FGF14: variants seen among roughly 807,000 people sequenced by gnomAD.
FGF14 encodes the protein fibroblast growth factor homologous factor 4.
In FGF14, 5 loss-of-function variants were observed where a neutral mutation model predicts 25.5. The observed-to-expected ratio is 0.20, with a 90% confidence interval of 0.10 to 0.41. The LOEUF is 0.41. Ranked by LOEUF, FGF14 falls within the 10% of genes least tolerant of loss-of-function variation. The pLI, the probability that FGF14 is intolerant of heterozygous loss-of-function variation, is 1.00. For missense variants in FGF14, 222 were observed against 320.1 expected (o/e 0.69, Z 2.34); for synonymous variants, 138 against 118.3 (o/e 1.17, Z -1.08).
intron 1 of FGF14, among the ~76,000 whole-genome samples, chr13:102,374,546 A>G (rs2057977774): frequency 6.6e-6 from 1 of 150,798 alleles, no homozygotes; most frequent in African/African-American, 2.4e-5. Flanking sequence ...GCAAAAGTCC[A>G]TACCTTATTC....
At chr13:102,282,946 G>A (rs1295031030) in intron 1 of FGF14, among the ~76,000 whole-genome samples, 4 of 151,956 alleles carry the variant, frequency 2.6e-5, no homozygotes, top group Admixed American at 2.6e-4. Flanking sequence ...AAAACGTTAG[G>A]ATTCAGATTA....
chr13:102,352,748 C>A (rs1477566905), intron 1 of FGF14, among the ~76,000 whole-genome samples: 2 of 147,996 alleles, frequency 1.4e-5, no homozygotes, highest in Non-Finnish European at 3.0e-5. Flanking sequence ...GGAGGCGGAG[C>A]TTGCAGTGAG....
intron 3 of FGF14, among the ~76,000 whole-genome samples, chr13:101,735,923 T>C (rs542213780): frequency 2.6e-5 from 4 of 152,326 alleles, no homozygotes; most frequent in African/African-American, 9.6e-5. Context: ...ACTGTACATA[T>C]GTAACAAAAT....
rs2139613204 is a variant in FGF14 at position 101,713,490 on chromosome 13, A to G, written c.*9341T>C. The G allele has an allele frequency of 6.6e-6, 1 of 152,350 alleles. No individual in the cohort carries two copies. Among genetic ancestry groups the G allele is most frequent in the Non-Finnish European group, 1.5e-5 (1 of 68,034 alleles). The allele number at this position is 152,350 out of a possible 1,614,324, so 9.4% of individuals were successfully genotyped here. ...TAGTAAATGGAAGTCATGTTTGGAA[A>G]GAACAACCAACCCAAGGAAACAGAA... On this transcript the variant is annotated 3_prime_UTR_variant, in exon 5 of 5. Transcript: ENST00000376143.
Position 101,720,343 on chromosome 13 carries a change from C to T in FGF14, c.*2488G>A, listed in dbSNP as rs1290434794. 5 of 152,092 alleles carry T rather than the reference C, an allele frequency of 3.3e-5. No individual in the cohort carries two copies. The highest frequency in any genetic ancestry group is 2.6e-4 in the Admixed American group (4 of 15,246). The allele number at this position is 152,092 out of a possible 1,614,324, so 9.4% of individuals were successfully genotyped here. A position where few individuals can be genotyped will look rare whatever the true frequency, so the allele number is the denominator to read the frequency against. ...TTAGAAGAAAGTATTTGACATCCTT[C>T]ATAGGGATAAATGCCCTTATAGACA... On this transcript the variant is annotated 3_prime_UTR_variant, in exon 5 of 5. Coordinates refer to ENST00000376143, the MANE Select transcript of FGF14 (RefSeq NM_004115.4).
chr13:101,981,317 T>C (rs1395377252), intron 1 of FGF14, among the ~76,000 whole-genome samples: 1 of 152,072 alleles, frequency 6.6e-6, no homozygotes, highest in African/African-American at 2.4e-5. Flanking sequence ...GTAAGCTGCC[T>C]TGCCCCTTCC....
At position 102,128,900 on chromosome 13, in the gene FGF14, C is replaced by T. The variant is rs906931668; in HGVS notation, c.209-253604G>A. ...GAGTTCGAGACCAGCCTGACTAACA[C>T]GGTGAAACCCTGTCTCTACCAAAAA... On this transcript the variant is annotated intron_variant, in intron 1 of 4. Coordinates refer to the FGF14 transcript ENST00000376131. Among the ~76,000 whole-genome samples, 5 of 151,966 alleles carry T rather than the reference C, an allele frequency of 3.3e-5. 1 individual carries two copies. Among genetic ancestry groups the T allele is most frequent in the South Asian group, 2.1e-4 (1 of 4,810 alleles).
chr13:101,858,021 T>C (rs2044216495), intron 3 of FGF14, among the ~76,000 whole-genome samples: 2 of 152,100 alleles, frequency 1.3e-5, no homozygotes, highest in South Asian at 4.1e-4. Flanking sequence ...AGAAAAAAGT[T>C]GTTTTACATA....
In FGF14 at chr13:101,713,691, T is replaced by C. The variant is rs1413042629; in HGVS notation, c.*9140A>G. On this transcript the variant is annotated 3_prime_UTR_variant, in exon 5 of 5. Transcript: ENST00000376143. ...CATTTATTTTCTTTTATTTTAAATA[T>C]ATCATTAATAAAATTTTTACTCAGT... 6.6e-6 allele frequency: 1 copy of C among 152,166 alleles called. No individual in the cohort carries two copies. The highest frequency in any genetic ancestry group is 2.4e-5 in the African/African-American group (1 of 41,456). The allele number at this position is 152,166 out of a possible 1,614,324, so 9.4% of individuals were successfully genotyped here.
At chr13:101,968,384 A>G (rs1296465302) in intron 1 of FGF14, among the ~76,000 whole-genome samples, 3 of 152,170 alleles carry the variant, frequency 2.0e-5, no homozygotes, top group Non-Finnish European at 2.9e-5. Flanking sequence ...TAAAAAAAAT[A>G]CAGCTTAGGC....
intron 1 of FGF14, among the ~76,000 whole-genome samples, chr13:102,226,937 TA>T (rs1345921490): frequency 6.6e-6 from 1 of 152,118 alleles, no homozygotes; most frequent in Admixed American, 6.6e-5. Context: ...TACCAATTTT[TA>T]AACTTGACAT....
chr13:101,929,313 C>T (rs997406615), intron 1 of FGF14, among the ~76,000 whole-genome samples: 6 of 152,122 alleles, frequency 3.9e-5, no homozygotes, highest in African/African-American at 9.7e-5. Context: ...AGATAGTCAC[C>T]AGCTAGTCAA....
At position 102,008,351 on chromosome 13, in the gene FGF14, T is replaced by C. The variant is rs376916872; in HGVS notation, c.209-133055A>G. ...AAAGACCTCTCCAAGTCACTCCACC[T>C]TTATTAAAAGTCATTTCTGTTGACT... On this transcript the variant is annotated intron_variant, in intron 1 of 4. Transcript: ENST00000376131. Among the ~76,000 whole-genome samples, 6 of 152,218 alleles carry C rather than the reference T, an allele frequency of 3.9e-5. No individual in the cohort carries two copies. In the East Asian group the frequency reaches 7.7e-4, roughly 20 times the overall value.
intron 1 of FGF14, among the ~76,000 whole-genome samples, chr13:101,883,923 TGTG>T (rs747191052): frequency 6.7e-6 from 1 of 148,644 alleles, no homozygotes; most frequent in Non-Finnish European, 1.5e-5. Flanking sequence ...ATTAGCCGGG[TGTG>T]GTGGCATGTG....
chr13:101,745,593 T>C (rs974033066), intron 3 of FGF14, among the ~76,000 whole-genome samples: 4 of 152,128 alleles, frequency 2.6e-5, no homozygotes, highest in Non-Finnish European at 5.9e-5. Flanking sequence ...GAATGTCATA[T>C]AGTTGAAATC....
intron 3 of FGF14, among the ~76,000 whole-genome samples, chr13:101,812,611 CTATATATATATA>C (rs35878751): frequency 0.069 from 850 of 12,296 alleles, 69 homozygotes; most frequent in Middle Eastern, 0.1. Flanking sequence ...ATTTTTAAAA[CTATATATATATA>C]TATATATATA....
intron 3 of FGF14, among the ~76,000 whole-genome samples, chr13:101,798,406 C>G (rs550741249): frequency 6.6e-6 from 1 of 152,056 alleles, no homozygotes; most frequent in South Asian, 2.1e-4. Flanking sequence ...ACTATCTTAA[C>G]GATGAAGTAG....
At chr13:102,182,275 A>C (rs1296810667) in intron 1 of FGF14, among the ~76,000 whole-genome samples, 1 of 152,160 alleles carries the variant, frequency 6.6e-6, no homozygotes, top group Non-Finnish European at 1.5e-5. Flanking sequence ...CCATATGCCA[A>C]AGAATGCAGG....
chr13:101,785,803 G>C (rs979996722), intron 3 of FGF14, among the ~76,000 whole-genome samples: 2 of 152,108 alleles, frequency 1.3e-5, no homozygotes, highest in African/African-American at 4.8e-5. Context: ...GTGTATTGAA[G>C]ATTAAGTTAA....
Sources: gnomAD v4.1 joint callset for allele counts (sites outside exome capture counted in the v4.1 genomes callset) on GRCh38, gnomAD v4.1.1 for gene constraint, MANE v1.5 for transcripts, NCBI Gene and HGNC (gene_info 2026-07-23, HGNC 2026-07-21) for gene names.